HELZ: variants seen among roughly 807,000 people sequenced by gnomAD.
HELZ encodes helicase with zinc finger.
In HELZ, 23 loss-of-function variants were observed where a neutral mutation model predicts 218.2. The observed-to-expected ratio is 0.11, with a 90% CI of 0.08 to 0.15. The LOEUF is 0.15. Among genes scored for constraint, HELZ ranks in the 10% least tolerant of loss-of-function variants. The pLI is 1.00. For missense variants in HELZ, 1,813 were observed against 2,353.7 expected (o/e 0.77, Z 4.75); for synonymous variants, 814 against 829.4 (o/e 0.98, Z 0.32).
intron 21 of HELZ, among the ~76,000 whole-genome samples, chr17:67,145,252 T>C (rs549958058): frequency 1.8e-4 from 27 of 152,230 alleles, no homozygotes; most frequent in African/African-American, 6.3e-4. Flanking sequence ...TTCAAACTAC[T>C]CACATGCTCT....
At chr17:67,140,080 G>A (rs1011653830) in intron 21 of HELZ, among the ~76,000 whole-genome samples, 5 of 152,168 alleles carry the variant, frequency 3.3e-5, no homozygotes, top group African/African-American at 1.2e-4. Flanking sequence ...ACCTATGCTG[G>A]GTAGATTCAG....
chr17:67,146,645 G>A (rs1039008735), intron 20 of HELZ, among the ~76,000 whole-genome samples: 2 of 152,156 alleles, frequency 1.3e-5, no homozygotes, highest in South Asian at 2.1e-4. Flanking sequence ...AAATGAATTC[G>A]CTTTACTGAT....
intron 13 of HELZ, among the ~76,000 whole-genome samples, chr17:67,176,981 C>CTT (rs113989752): frequency 2.8e-5 from 4 of 142,924 alleles, no homozygotes; most frequent in Non-Finnish European, 6.1e-5. Flanking sequence ...TTCAGTTTCT[C>CTT]TTTTTTTTTT....
At chr17:67,147,959 T>C (rs1035327148) in intron 20 of HELZ, among the ~76,000 whole-genome samples, 23 of 152,260 alleles carry the variant, frequency 1.5e-4, no homozygotes, top group Admixed American at 1.5e-3. Context: ...CTAGGCACTC[T>C]TCATCTGTAT....
chr17:67,187,444 A>G (rs1409049183), intron 12 of HELZ, among the ~76,000 whole-genome samples: 2 of 152,202 alleles, frequency 1.3e-5, no homozygotes, highest in African/African-American at 4.8e-5. Flanking sequence ...ATGTGAAAAA[A>G]AATAAAATTC....
intron 2 of HELZ, among the ~76,000 whole-genome samples, chr17:67,240,277 C>T (rs993353007): frequency 6.6e-6 from 1 of 152,190 alleles, no homozygotes; most frequent in African/African-American, 2.4e-5. Flanking sequence ...CACTCTACTT[C>T]CACACTGCCA....
At chr17:67,134,378 T>A (rs1489523708) in intron 23 of HELZ, among the ~76,000 whole-genome samples, 1 of 147,272 alleles carries the variant, frequency 6.8e-6, no homozygotes, top group African/African-American at 2.6e-5. Flanking sequence ...AGAGTGAAAC[T>A]CTGTCTCAAA....
Position 67,165,009 on chromosome 17 carries a change from C to G in HELZ, c.1895+1469G>C, listed in dbSNP as rs183912660. Among the ~76,000 whole-genome samples, 251 of 152,322 alleles carry G rather than the reference C, an allele frequency of 1.6e-3. 2 individuals carry two copies. Among genetic ancestry groups the G allele is most frequent in the African/African-American group, 5.7e-3 (238 of 41,568 alleles). On this transcript the variant is annotated intron_variant, in intron 15 of 32. Transcript: ENST00000358691. Reference sequence around the variant, plus strand: ...AAATAGTCCGGGTCTAAAAGCAGCACTGGCTCTGAGAATGAAAAGAAAAGG... The same window carrying G: ...AAATAGTCCGGGTCTAAAAGCAGCAGTGGCTCTGAGAATGAAAAGAAAAGG...
rs1183151962 is a variant in HELZ, at chr17:67,075,523, A to C, written c.*2729T>G. ...TAAATCTGATTTATGGGTACTTGCTACTACTACTCAAGTAATACCCAAAGA... is the reference window on the plus strand; with the variant it reads ...TAAATCTGATTTATGGGTACTTGCTCCTACTACTCAAGTAATACCCAAAGA... On this transcript the variant is annotated 3_prime_UTR_variant, in exon 33 of 33. Coordinates refer to ENST00000358691, the MANE Select transcript of HELZ (RefSeq NM_014877.4). 1 of 152,208 alleles carries C rather than the reference A, an allele frequency of 6.6e-6. No individual in the cohort carries two copies. The highest frequency in any genetic ancestry group is 6.5e-5 in the Admixed American group (1 of 15,278). 9.4% of individuals were successfully genotyped at this position (152,208 alleles called of 1,614,324 possible).
intron 3 of HELZ, among the ~76,000 whole-genome samples, chr17:67,232,584 C>T (rs1407904333): frequency 6.6e-6 from 1 of 152,216 alleles, no homozygotes; most frequent in African/African-American, 2.4e-5. Flanking sequence ...AATTAATTCT[C>T]TTTACTCTAG....
chr17:67,119,117 G>A (rs921979791), intron 27 of HELZ, among the ~76,000 whole-genome samples: 1 of 152,112 alleles, frequency 6.6e-6, no homozygotes, highest in Non-Finnish European at 1.5e-5. Flanking sequence ...TTCTTATAAA[G>A]TTAAATATAT....
At chr17:67,100,030 C>T (rs192547791) in intron 31 of HELZ, among the ~76,000 whole-genome samples, 1 of 152,244 alleles carries the variant, frequency 6.6e-6, no homozygotes, top group East Asian at 1.9e-4. Flanking sequence ...TCAGAGAAGA[C>T]AGCAATATTT....
chr17:67,110,610 C>G (rs748498123), intron 28 of HELZ, among the ~76,000 whole-genome samples: 5 of 152,172 alleles, frequency 3.3e-5, no homozygotes, highest in African/African-American at 9.7e-5. Context: ...GAAGACTCAG[C>G]CTACACATCA....
intron 23 of HELZ, among the ~76,000 whole-genome samples, chr17:67,132,766 T>C (rs532393197): frequency 2.0e-5 from 3 of 152,194 alleles, no homozygotes; most frequent in Non-Finnish European, 4.4e-5. Context: ...AAAAATCTGT[T>C]TAAAAATACA....
chr17:67,243,265 A>T (rs1391518084), intron 2 of HELZ, among the ~76,000 whole-genome samples: 1 of 152,244 alleles, frequency 6.6e-6, no homozygotes, highest in South Asian at 2.1e-4. Context: ...TTTCAAAATA[A>T]TTATTAAAGA....
chr17:67,162,841 G>A (rs1296035969), intron 15 of HELZ, among the ~76,000 whole-genome samples: 2 of 151,670 alleles, frequency 1.3e-5, no homozygotes, highest in African/African-American at 2.4e-5. Context: ...TATTTTGCAT[G>A]AGGCAAAACA....
At chr17:67,243,015 A>AT (rs1475612109) in intron 2 of HELZ, among the ~76,000 whole-genome samples, 1 of 152,200 alleles carries the variant, frequency 6.6e-6, no homozygotes, top group East Asian at 1.9e-4. Context: ...AAACTTAGTA[A>AT]AACATTTTAA....
At chr17:67,184,253 A>C (rs1474166671) in intron 12 of HELZ, among the ~76,000 whole-genome samples, 1 of 152,246 alleles carries the variant, frequency 6.6e-6, no homozygotes, top group Non-Finnish European at 1.5e-5. Context: ...GAGGGAAATA[A>C]TGCATGCTGC....
intron 31 of HELZ, among the ~76,000 whole-genome samples, chr17:67,087,811 G>T (rs2036439336): frequency 6.6e-6 from 1 of 152,184 alleles, no homozygotes; most frequent in Non-Finnish European, 1.5e-5. Flanking sequence ...CAAGATCTAT[G>T]TGGCAGCCAT....
Sources: gnomAD v4.1 joint callset for allele counts (sites outside exome capture counted in the v4.1 genomes callset) on GRCh38, gnomAD v4.1.1 for gene constraint, MANE v1.5 for transcripts, NCBI Gene and HGNC (gene_info 2026-07-23, HGNC 2026-07-21) for gene names.